Variants in USO1 observed in about 807,000 individuals in gnomAD.
USO1 encodes the protein USO1 vesicle transport factor.
In USO1, 57 loss-of-function variants were observed where a neutral mutation model predicts 124.5. The observed-to-expected ratio is 0.46, with a 90% CI of 0.37 to 0.57. The LOEUF is 0.57. USO1 is among the 20% of genes least tolerant of loss of function. USO1 has a pLI of 0.00. For synonymous variants in USO1, 369 were observed against 362.8 expected (o/e 1.02, Z -0.19); for missense variants, 900 against 1,040.6 (o/e 0.86, Z 1.86).
chr4:75,783,826 T>G (rs1722288276), intron 9 of USO1, among the ~76,000 whole-genome samples: 1 of 152,218 alleles, frequency 6.6e-6, no homozygotes, highest in Non-Finnish European at 1.5e-5. Context: ...GTTACCCTAG[T>G]TAGAATATGC....
intron 23 of USO1, 28 bp from the exon 24 acceptor site, chr4:75,813,178 C>A (rs1219426213): frequency 1.9e-6 from 3 of 1,582,238 alleles, no homozygotes; most frequent in Non-Finnish European, 2.6e-6. Context: ...CAGATTTTCA[C>A]AATATTAAAT....
At chr4:75,789,282 C>T (rs199668805) in intron 10 of USO1, among the ~76,000 whole-genome samples, 2 of 151,442 alleles carry the variant, frequency 1.3e-5, no homozygotes, top group African/African-American at 2.4e-5. Flanking sequence ...TTTTGTGTTG[C>T]TGTTGTTGTT....
intron 1 of USO1, chr4:75,745,441 C>T (rs1577932087): frequency 4.1e-6 from 2 of 485,892 alleles, no homozygotes; most frequent in Non-Finnish European, 8.2e-6. Flanking sequence ...CTGTAGTTCG[C>T]AACAGATACT....
chr4:75,770,919 C>G lies in USO1; in HGVS notation c.494C>G (p.Pro165Arg), dbSNP rs994654027. The G allele has an allele frequency of 6.2e-7, 1 of 1,608,364 alleles. No homozygotes were observed. The highest frequency in any genetic ancestry group is 1.7e-5 in the Admixed American group (1 of 58,346). ...GTGCAACAAATTATTTTAGTCAGTCCTATGGGTAAGTGACTTATCTTTTTT... is the reference window on the plus strand; with the variant it reads ...GTGCAACAAATTATTTTAGTCAGTCGTATGGGTAAGTGACTTATCTTTTTT... ...PQVQQIILVS[P>R]MGVSRLMDLL... Residue 165 changes from proline to arginine, a missense_variant, in exon 6 of 24, where the codon CCT (proline) becomes CGT (arginine). Transcript: ENST00000514213.
intron 20 of USO1, among the ~76,000 whole-genome samples, chr4:75,808,289 G>A (rs1025788601): frequency 6.6e-6 from 1 of 152,058 alleles, no homozygotes; most frequent in Non-Finnish European, 1.5e-5. Context: ...TCTGTGTTTG[G>A]TGGTCCCTAG....
At position 75,790,724 on chromosome 4, in the gene USO1, C is replaced by G. The variant is rs1442024009; in HGVS notation, c.1167C>G (p.Phe389Leu). 6.2e-7 allele frequency: 1 copy of G among 1,613,418 alleles called. No individual in the cohort carries two copies. Among genetic ancestry groups the G allele is most frequent in the Non-Finnish European group, 8.5e-7 (1 of 1,179,690 alleles). Reference sequence around the variant, plus strand: ...TGCGCTGTGCTGTTCTCTATTGTTTCCAGTGTTTCTTGTATAAAAACCAAA... The same window carrying G: ...TGCGCTGTGCTGTTCTCTATTGTTTGCAGTGTTTCTTGTATAAAAACCAAA... The part of the protein sequence containing the change: ...FVLRCAVLYC[F>L]QCFLYKNQKG... Residue 389 changes from phenylalanine (F) to leucine (L), a missense_variant, in exon 12 of 24, where the codon TTC becomes TTG. Physicochemically the swap from Phe to Leu is conservative, Grantham distance 22. Around this residue, in one of 2 missense-constraint regions of USO1, gnomAD observed 538 missense variants for 681.6 expected, o/e 0.79. Coordinates refer to ENST00000514213, the MANE Select transcript of USO1 (RefSeq NM_003715.4).
intron 16 of USO1, 45 bp from the exon 17 acceptor site, chr4:75,801,034 A>G: frequency 6.9e-7 from 1 of 1,455,756 alleles, no homozygotes; most frequent in Non-Finnish European, 9.2e-7. Context: ...GTAAAATAGT[A>G]TTTAAAACAT....
intron 12 of USO1, among the ~76,000 whole-genome samples, chr4:75,791,880 C>G (rs1390576516): frequency 1.3e-5 from 2 of 152,028 alleles, no homozygotes; most frequent in Admixed American, 1.3e-4. Context: ...GTAGAATGAT[C>G]AAAATGTGGC....
chr4:75,739,572 ACT>A (rs1296403181), intron 1 of USO1, among the ~76,000 whole-genome samples: 1 of 117,662 alleles, frequency 8.5e-6, no homozygotes, highest in Non-Finnish European at 1.6e-5. Context: ...ACAGAGTCTG[ACT>A]CTGTTGCCCA....
At chr4:75,787,882 T>A (rs577347939) in intron 10 of USO1, among the ~76,000 whole-genome samples, 2 of 152,222 alleles carry the variant, frequency 1.3e-5, no homozygotes, top group African/African-American at 2.4e-5. Flanking sequence ...TATCCTTTTT[T>A]AAATATATAT....
chr4:75,807,547 C>T (rs1007238462), intron 20 of USO1, among the ~76,000 whole-genome samples: 4 of 151,976 alleles, frequency 2.6e-5, no homozygotes, highest in African/African-American at 9.7e-5. Context: ...GTCCATGTAC[C>T]TCAGAGTAGA....
At chr4:75,750,125 A>G (rs1379575874) in intron 1 of USO1, among the ~76,000 whole-genome samples, 3 of 152,138 alleles carry the variant, frequency 2.0e-5, no homozygotes, top group Non-Finnish European at 2.9e-5. Flanking sequence ...CAGTCTCTTC[A>G]TAGTGTCTTT....
chr4:75,805,064 T>C (rs1722954272), intron 18 of USO1, 76 bp from the exon 19 acceptor site: 3 of 1,465,360 alleles, frequency 2.0e-6, no homozygotes, highest in Non-Finnish European at 2.7e-6. Flanking sequence ...GAAAATTACA[T>C]ATTTGAATCT....
intron 1 of USO1, among the ~76,000 whole-genome samples, chr4:75,729,379 G>T (rs1029019622): frequency 6.6e-6 from 1 of 151,964 alleles, no homozygotes; most frequent in Admixed American, 6.6e-5. Flanking sequence ...TCGCTCTGTC[G>T]CCCAGGCTGG....
chr4:75,780,558 A>G (rs1257199096), intron 8 of USO1, among the ~76,000 whole-genome samples: 2 of 149,712 alleles, frequency 1.3e-5, no homozygotes, highest in Non-Finnish European at 3.0e-5. Flanking sequence ...GACGTGAGCC[A>G]CTGTGCCCAG....
chr4:75,767,388 T>C (rs1577947937), intron 4 of USO1: 1 of 408,728 alleles, frequency 2.4e-6, no homozygotes, highest in Non-Finnish European at 4.8e-6. Flanking sequence ...TGAACATATG[T>C]AAATAAACAA....
At chr4:75,806,804 C>T (rs1288320253) in intron 20 of USO1, among the ~76,000 whole-genome samples, 1 of 151,992 alleles carries the variant, frequency 6.6e-6, no homozygotes. Context: ...CAGCATCTCA[C>T]CCATGTTATT....
At chr4:75,795,389 CCT>C (rs781265503) in intron 13 of USO1, 2 of 699,736 alleles carry the variant, frequency 2.9e-6, no homozygotes, top group South Asian at 3.0e-5. Context: ...TAGGCATTTT[CCT>C]CTTATAGCAA....
At position 75,814,038 on chromosome 4, in the gene USO1, T is replaced by G. The variant is rs1193318236; in HGVS notation, c.*743T>G. 1 of 152,222 alleles carries G rather than the reference T, an allele frequency of 6.6e-6. No homozygotes were observed. Among genetic ancestry groups the G allele is most frequent in the East Asian group, 1.9e-4 (1 of 5,200 alleles). The allele number at this position is 152,222 out of a possible 1,614,324, so 9.4% of individuals were successfully genotyped here. A position where few individuals can be genotyped will look rare whatever the true frequency, so the allele number is the denominator to read the frequency against. On this transcript the variant is annotated 3_prime_UTR_variant, in exon 24 of 24. Transcript: ENST00000514213. The stretch of plus-strand genomic sequence containing the variant: ...TCATACAACTCAGATTTAGTAGTAT[T>G]GTTTATCATAAAACATATTATGTTC...
Sources: allele counts gnomAD v4.1 joint callset (sites outside exome capture counted in the v4.1 genomes callset), GRCh38; gene constraint gnomAD v4.1.1; regional missense constraint gnomAD v4.1.1; transcripts MANE v1.5; gene names NCBI Gene and HGNC (gene_info 2026-07-23, HGNC 2026-07-21).